C14orf39: variants seen among roughly 807,000 people sequenced by gnomAD.
C14orf39 encodes the protein protein SIX6OS1.
C14orf39 carries 66 observed loss-of-function variants against 85.6 expected under a neutral mutation model. That is an observed-to-expected ratio of 0.77 (90% CI 0.63 to 0.95). C14orf39 has a LOEUF of 0.95. C14orf39 is among the 40% of genes least tolerant of loss of function. The pLI is 0.00. For missense variants in C14orf39, 735 were observed against 663.9 expected, an observed-to-expected ratio of 1.11 and a Z score of -1.18; for synonymous variants, 242 against 214.0, an observed-to-expected ratio of 1.13 and a Z score of -1.14.
In C14orf39 at chr14:60,437,059, A is replaced by G. The variant is rs868267253; in HGVS notation, c.1562-12T>C. The G allele has an allele frequency of 5.8e-6, 9 of 1,553,710 alleles. No individual in the cohort carries two copies. The Middle Eastern group carries it at 1.7e-3, about 292-fold the overall frequency. Reference sequence around the variant, plus strand: ...CTCAAGTAAGTTTCCTAAGGAAGATAAACATTACAATATCATGCTCTTCAT... The same window carrying G: ...CTCAAGTAAGTTTCCTAAGGAAGATGAACATTACAATATCATGCTCTTCAT... On this transcript the variant is annotated splice_polypyrimidine_tract_variant and intron_variant, in intron 17 of 17. Transcript: ENST00000321731.
intron 1 of C14orf39, among the ~76,000 whole-genome samples, chr14:60,506,385 G>A (rs1245456297): frequency 6.6e-6 from 1 of 152,214 alleles, no homozygotes; most frequent in Admixed American, 6.5e-5. Flanking sequence ...AAGCCAGCCC[G>A]AAGTCACAGC....
intron 1 of C14orf39, among the ~76,000 whole-genome samples, chr14:60,499,631 G>A (rs1003596349): frequency 1.3e-5 from 2 of 152,180 alleles, no homozygotes; most frequent in Non-Finnish European, 2.9e-5. Context: ...TGGCAAGGTT[G>A]GCAATACTAA....
At chr14:60,462,935 C>A (rs1008471602) in intron 11 of C14orf39, among the ~76,000 whole-genome samples, 5 of 152,064 alleles carry the variant, frequency 3.3e-5, no homozygotes, top group African/African-American at 1.2e-4. Context: ...CTCTATATGT[C>A]TCCTGGTACA....
chr14:60,457,785 T>C (rs1220049980), intron 14 of C14orf39, among the ~76,000 whole-genome samples: 2 of 151,980 alleles, frequency 1.3e-5, no homozygotes, highest in African/African-American at 4.8e-5. Context: ...ATACATTGTT[T>C]ACATCTATCA....
upstream of C14orf39, among the ~76,000 whole-genome samples, chr14:60,487,492 CGTGTGT>C (rs1308228152): frequency 1.3e-5 from 2 of 150,142 alleles, no homozygotes; most frequent in Admixed American, 6.6e-5. Flanking sequence ...AATAAAAGTC[CGTGTGT>C]GTGTGTGTGT....
upstream of C14orf39, among the ~76,000 whole-genome samples, chr14:60,490,637 T>C (rs1014789087): frequency 1.1e-4 from 16 of 150,986 alleles, no homozygotes; most frequent in African/African-American, 4.0e-4. Flanking sequence ...AAAATAATAA[T>C]AAAGTAAAAA....
In C14orf39 at chr14:60,478,357, T is replaced by G; in HGVS notation, c.266A>C (p.His89Pro). ...WKPTCDVFRK[H>P]EDYMQDQFTV... ...AAATTGGTCCTGCATATAATCTTCA[T>G]GTTTACGAAAAACATCACATGTTGG... Residue 89 changes from histidine to proline, a missense_variant, in exon 5 of 18, where the codon CAT becomes CCT. Transcript: ENST00000321731. The G allele has an allele frequency of 6.3e-7, 1 of 1,581,650 alleles. No homozygotes were observed. The highest frequency in any genetic ancestry group is 8.6e-7 in the Non-Finnish European group (1 of 1,167,844).
intron 10 of C14orf39, among the ~76,000 whole-genome samples, 195 bp from the exon 11 acceptor site, chr14:60,466,250 A>C (rs1448338840): frequency 6.6e-6 from 1 of 151,984 alleles, no homozygotes; most frequent in African/African-American, 2.4e-5. Flanking sequence ...ATAACTATGA[A>C]GATGAAATGA....
chr14:60,505,204 A>G (rs1893187567), intron 1 of C14orf39, among the ~76,000 whole-genome samples: 1 of 152,226 alleles, frequency 6.6e-6, no homozygotes, highest in Non-Finnish European at 1.5e-5. Flanking sequence ...CAAGGTGCAC[A>G]ATGGCAGGGG....
chr14:60,504,447 G>A (rs914766561), intron 1 of C14orf39, among the ~76,000 whole-genome samples: 3 of 152,176 alleles, frequency 2.0e-5, no homozygotes, highest in Non-Finnish European at 4.4e-5. Context: ...TGAATTTTAA[G>A]TTTCTATGTG....
intron 1 of C14orf39, among the ~76,000 whole-genome samples, chr14:60,485,402 A>G (rs1892836919): frequency 6.6e-6 from 1 of 152,208 alleles, no homozygotes; most frequent in South Asian, 2.1e-4. Flanking sequence ...GTTCACGGAC[A>G]CCCAGATTTC....
intron 13 of C14orf39, among the ~76,000 whole-genome samples, chr14:60,459,249 C>T (rs545920981): frequency 2.6e-5 from 4 of 151,704 alleles, no homozygotes; most frequent in African/African-American, 9.6e-5. Flanking sequence ...TAAAGTATTC[C>T]ATTGCACAAA....
chr14:60,441,716 A>C lies in C14orf39; in HGVS notation c.1561+358T>G, dbSNP rs150988125. 8.9e-3 allele frequency among the ~76,000 whole-genome samples: 1,356 copies of C among 152,268 alleles called. 19 individuals carry two copies. The highest frequency in any genetic ancestry group is 0.01 in the Non-Finnish European group (703 of 68,004). On this transcript the variant is annotated intron_variant, in intron 17 of 17. Transcript: ENST00000321731. ...TAATCAATCAAAGGAAAAATGAAGAAAGAATATCCAATAAAAAGTATCAAA... is the reference window on the plus strand; with the variant it reads ...TAATCAATCAAAGGAAAAATGAAGACAGAATATCCAATAAAAAGTATCAAA...
chr14:60,450,115 T>C (rs1890964434), intron 16 of C14orf39, among the ~76,000 whole-genome samples: 1 of 152,178 alleles, frequency 6.6e-6, no homozygotes, highest in African/African-American at 2.4e-5. Flanking sequence ...GTGGCTATGG[T>C]AAAAGACCCC....
Position 60,467,860 on chromosome 14 carries a change from G to A in C14orf39, c.767+585C>T, listed in dbSNP as rs528106069. The stretch of plus-strand genomic sequence containing the variant: ...GAATGAAAAAGGATATAAGTAGGGG[G>A]AAAAAGTAAAAGCTGGTCAGAAATA... On this transcript the variant is annotated intron_variant, in intron 9 of 17. Coordinates refer to ENST00000321731, the MANE Select transcript of C14orf39 (RefSeq NM_174978.3). Among the ~76,000 whole-genome samples the A allele has an allele frequency of 1.2e-3, 180 of 151,528 alleles. 1 individual carries two copies. The highest frequency in any genetic ancestry group is 4.1e-3 in the African/African-American group (171 of 41,418).
intron 1 of C14orf39, chr14:60,511,378 C>T: frequency 3.3e-6 from 4 of 1,208,694 alleles, no homozygotes; most frequent in Non-Finnish European, 4.8e-6. Context: ...CAGGGACCCG[C>T]GGGCTCGGGT....
At chr14:60,445,061 G>A (rs1440880996) in intron 16 of C14orf39, among the ~76,000 whole-genome samples, 1 of 152,162 alleles carries the variant, frequency 6.6e-6, no homozygotes, top group Non-Finnish European at 1.5e-5. Context: ...AAGAGCTCCT[G>A]AAGGGAACAC....
chr14:60,448,267 T>C (rs1466289130), intron 16 of C14orf39, among the ~76,000 whole-genome samples: 2 of 152,050 alleles, frequency 1.3e-5, no homozygotes, highest in African/African-American at 4.8e-5. Flanking sequence ...ACCTACAGAA[T>C]GGGAGAAAAT....
chr14:60,496,072 A>G, intron 2 of C14orf39: 1 of 785,752 alleles, frequency 1.3e-6, no homozygotes, highest in Non-Finnish European at 2.0e-6. Context: ...GCATCCAGAG[A>G]CAGACCTTGG....
Sources: gnomAD v4.1 joint callset for allele counts (sites outside exome capture counted in the v4.1 genomes callset) on GRCh38, gnomAD v4.1.1 for gene constraint, MANE v1.5 for transcripts, NCBI Gene and HGNC (gene_info 2026-07-23, HGNC 2026-07-21) for gene names.